ZBTB20: variants seen among roughly 807,000 people sequenced by gnomAD.
The protein encoded by ZBTB20 is zinc finger and BTB domain containing 20, also known as zinc finger and BTB domain-containing protein 20.
A neutral mutation model predicts 56.9 loss-of-function variants in ZBTB20; 9 were observed. That is an observed-to-expected ratio of 0.16 (90% CI 0.10 to 0.28). The LOEUF is 0.28. ZBTB20 is among the 10% of genes least tolerant of loss of function. ZBTB20 has a pLI of 1.00. For missense variants in ZBTB20, 655 were observed against 1,003.0 expected, an observed-to-expected ratio of 0.65 and a Z score of 4.69; for synonymous variants, 417 against 420.7, an observed-to-expected ratio of 0.99 and a Z score of 0.11.
At chr3:114,763,838 A>C (rs920394496) in intron 5 of ZBTB20, among the ~76,000 whole-genome samples, 1 of 151,048 alleles carries the variant, frequency 6.6e-6, no homozygotes, top group Admixed American at 6.6e-5. Flanking sequence ...TTTCAATTAA[A>C]AATAAATAAA....
chr3:114,473,076 G>C (rs1340715885), intron 7 of ZBTB20, among the ~76,000 whole-genome samples: 1 of 152,180 alleles, frequency 6.6e-6, no homozygotes, highest in Non-Finnish European at 1.5e-5. Flanking sequence ...AACAAGAATA[G>C]CCAGAGCACT....
chr3:114,939,822 T>A (rs1359225831), intron 3 of ZBTB20, among the ~76,000 whole-genome samples: 1 of 146,228 alleles, frequency 6.8e-6, no homozygotes, highest in Non-Finnish European at 1.5e-5. Flanking sequence ...GAGTGATTAT[T>A]GTGCCGCTGC....
intron 6 of ZBTB20, among the ~76,000 whole-genome samples, chr3:114,585,617 G>C (rs2055101628): frequency 6.6e-6 from 1 of 152,110 alleles, no homozygotes; most frequent in Non-Finnish European, 1.5e-5. Context: ...ACTTCTAATG[G>C]ACCTGCCTGG....
Position 114,380,848 on chromosome 3 carries a change from C to T in ZBTB20, c.-61G>A, listed in dbSNP as rs752127531. 18 of 1,428,234 alleles carry T rather than the reference C, an allele frequency of 1.3e-5. No individual in the cohort carries two copies. Among genetic ancestry groups the T allele is most frequent in the Non-Finnish European group, 1.4e-5 (15 of 1,093,640 alleles). The allele number at this position is 1,428,234 out of a possible 1,614,324, so 88.5% of individuals were successfully genotyped here. A position where few individuals can be genotyped will look rare whatever the true frequency, so the allele number is the denominator to read the frequency against. The stretch of plus-strand genomic sequence containing the variant: ...ATGGGAGGAGCACTGGACTGGGAGT[C>T]AGGAGACTTGAGCTACCGTACTAGC... On this transcript the variant is annotated 5_prime_UTR_variant, in exon 9 of 12. Coordinates refer to ENST00000675478, the MANE Select transcript of ZBTB20 (RefSeq NM_001348800.3).
chr3:114,421,731 C>A (rs1188392885), intron 7 of ZBTB20, among the ~76,000 whole-genome samples: 1 of 151,714 alleles, frequency 6.6e-6, no homozygotes, highest in Non-Finnish European at 1.5e-5. Context: ...AGGACACATT[C>A]AAAAACATAA....
chr3:114,763,372 G>A (rs543186657), intron 5 of ZBTB20, among the ~76,000 whole-genome samples: 6 of 152,116 alleles, frequency 3.9e-5, no homozygotes, highest in Non-Finnish European at 5.9e-5. Context: ...ACCTTGCTAT[G>A]AGATTTGCTA....
intron 10 of ZBTB20, among the ~76,000 whole-genome samples, chr3:114,368,965 T>G (rs1668012320): frequency 6.6e-6 from 1 of 152,238 alleles, no homozygotes; most frequent in Admixed American, 6.5e-5. Flanking sequence ...GAAAATGACA[T>G]GTATCCTTTA....
intron 3 of ZBTB20, among the ~76,000 whole-genome samples, chr3:114,912,987 TG>T (rs1185807751): frequency 1.3e-5 from 2 of 152,122 alleles, no homozygotes; most frequent in Non-Finnish European, 2.9e-5. Flanking sequence ...CTTTTGTTAA[TG>T]GACACTTAGG....
At chr3:114,491,367 T>C (rs1192816893) in intron 7 of ZBTB20, among the ~76,000 whole-genome samples, 2 of 152,210 alleles carry the variant, frequency 1.3e-5, no homozygotes, top group African/African-American at 4.8e-5. Flanking sequence ...ATTTCTCTGG[T>C]CAACTTGCTG....
chr3:114,859,420 CCTTAGTTTCTCT>C (rs1306958660), intron 4 of ZBTB20, among the ~76,000 whole-genome samples: 18 of 151,410 alleles, frequency 1.2e-4, no homozygotes, highest in Non-Finnish European at 2.7e-4. Flanking sequence ...TGCTTCTCTC[CCTTAGTTTCTCT>C]CTTCTTTCCT....
At chr3:114,916,722 T>C (rs1029100909) in intron 3 of ZBTB20, among the ~76,000 whole-genome samples, 2 of 152,166 alleles carry the variant, frequency 1.3e-5, no homozygotes, top group Non-Finnish European at 2.9e-5. Context: ...ATGCTACTTT[T>C]TCCTGGGCTG....
intron 4 of ZBTB20, among the ~76,000 whole-genome samples, chr3:114,840,456 A>T (rs1230724354): frequency 1.3e-5 from 2 of 152,204 alleles, no homozygotes; most frequent in Non-Finnish European, 2.9e-5. Context: ...ATTTCAAATA[A>T]CTTTCCTGGT....
At chr3:115,124,467 T>C (rs916742736) in intron 1 of ZBTB20, among the ~76,000 whole-genome samples, 7 of 152,176 alleles carry the variant, frequency 4.6e-5, no homozygotes, top group Non-Finnish European at 7.3e-5. Flanking sequence ...GTTGTATATA[T>C]AAAAAATGAA....
intron 1 of ZBTB20, among the ~76,000 whole-genome samples, chr3:115,077,569 TAA>T (rs2082640135): frequency 6.6e-6 from 1 of 152,196 alleles, no homozygotes; most frequent in Non-Finnish European, 1.5e-5. Context: ...CAGCCCAGAC[TAA>T]GAGACACTTG....
At chr3:114,497,360 T>C (rs1404570411) in intron 7 of ZBTB20, among the ~76,000 whole-genome samples, 2 of 152,200 alleles carry the variant, frequency 1.3e-5, no homozygotes, top group Admixed American at 6.5e-5. Flanking sequence ...GTCCTCCGTA[T>C]GGCAGGCAAG....
chr3:114,381,746 T>C lies in ZBTB20; in HGVS notation c.-153-806A>G, dbSNP rs111455556. On this transcript the variant is annotated intron_variant, in intron 8 of 11. Coordinates refer to ENST00000675478, the MANE Select transcript of ZBTB20 (RefSeq NM_001348800.3). ...TCTGCCCTCGCAGAATATGGTGTTA[T>C]GATTAGTATGCTGTGTTTTCAGTCC... is the stretch of plus-strand genomic sequence containing the variant. Among the ~76,000 whole-genome samples the C allele has an allele frequency of 5.3e-3, 809 of 152,370 alleles. 9 individuals are homozygous for C. Among genetic ancestry groups the C allele is most frequent in the African/African-American group, 0.019 (781 of 41,592 alleles).
intron 4 of ZBTB20, among the ~76,000 whole-genome samples, chr3:114,833,732 C>A (rs1056274509): frequency 2.3e-4 from 34 of 145,404 alleles, no homozygotes; most frequent in African/African-American, 8.6e-4. Context: ...TACAGGTTCT[C>A]ACTATGTTGT....
intron 5 of ZBTB20, among the ~76,000 whole-genome samples, chr3:114,726,611 C>T (rs2065299251): frequency 6.6e-6 from 1 of 152,094 alleles, no homozygotes; most frequent in South Asian, 2.1e-4. Flanking sequence ...AGAACCACTG[C>T]TTTAGAAGAC....
chr3:114,723,377 C>T (rs2065047261), intron 5 of ZBTB20, among the ~76,000 whole-genome samples: 1 of 152,158 alleles, frequency 6.6e-6, no homozygotes, highest in South Asian at 2.1e-4. Context: ...ATTTGGATGG[C>T]CCAAGCGACA....
Sources: allele counts gnomAD v4.1 joint callset (sites outside exome capture counted in the v4.1 genomes callset), GRCh38; gene constraint gnomAD v4.1.1; transcripts MANE v1.5; gene names NCBI Gene and HGNC (gene_info 2026-07-23, HGNC 2026-07-21).